The following ST6GALNAC3 variants were observed in gnomAD, a reference collection of about 807,000 sequenced individuals.
ST6GALNAC3 encodes the protein alpha-N-acetylgalactosaminide alpha-2,6-sialyltransferase 3.
Under a neutral mutation model 32.7 loss-of-function variants are expected in ST6GALNAC3, and 25 were observed. The ratio of observed to expected loss-of-function variants is 0.76; its 90% confidence interval spans 0.56 to 1.07. The LOEUF (loss-of-function observed/expected upper bound fraction) is 1.07, where lower values mean the gene tolerates loss of function less well. Among genes scored for constraint, ST6GALNAC3 ranks in the 50% least tolerant of loss-of-function variants. The pLI, the probability that ST6GALNAC3 is intolerant of heterozygous loss-of-function variation, is 0.00. For synonymous variants in ST6GALNAC3, 129 were observed against 133.1 expected, an observed-to-expected ratio of 0.97 and a Z score of 0.21; for missense variants, 355 against 382.4, an observed-to-expected ratio of 0.93 and a Z score of 0.60.
intron 3 of ST6GALNAC3, among the ~76,000 whole-genome samples, chr1:76,626,548 C>A (rs1171516126): frequency 6.6e-6 from 1 of 151,952 alleles, no homozygotes; most frequent in Non-Finnish European, 1.5e-5. Context: ...TCAGTTCCTG[C>A]ATTTCCCAGC....
intron 1 of ST6GALNAC3, among the ~76,000 whole-genome samples, chr1:76,216,886 T>G (rs1655495870): frequency 6.6e-6 from 1 of 152,212 alleles, no homozygotes; most frequent in Non-Finnish European, 1.5e-5. Flanking sequence ...CACATAAAGT[T>G]GTTCCTGCTA....
chr1:76,380,562 A>G lies in ST6GALNAC3; in HGVS notation c.214-31446A>G, dbSNP rs552911275. 2.0e-5 allele frequency among the ~76,000 whole-genome samples: 3 copies of G among 152,364 alleles called. No homozygotes were observed. The South Asian group carries it at 6.2e-4, about 32-fold the overall frequency. ...ATAGCCATATTTGAAAATAATAAAA[A>G]TGTCCACCAACAGTAGAATAGATAA... On this transcript the variant is annotated intron_variant, in intron 2 of 4. Coordinates refer to ENST00000328299, the MANE Select transcript of ST6GALNAC3 (RefSeq NM_152996.4).
At chr1:76,436,263 G>A (rs1256307853) in intron 3 of ST6GALNAC3, among the ~76,000 whole-genome samples, 1 of 152,112 alleles carries the variant, frequency 6.6e-6, no homozygotes, top group Non-Finnish European at 1.5e-5. Context: ...TTCGAAGATA[G>A]ATTAAAGGAC....
At chr1:76,318,043 C>T (rs545063750) in intron 2 of ST6GALNAC3, among the ~76,000 whole-genome samples, 1 of 152,172 alleles carries the variant, frequency 6.6e-6, no homozygotes, top group South Asian at 2.1e-4. Flanking sequence ...TTAAGCTCTG[C>T]TTCATTTTAT....
chr1:76,128,254 A>G (rs1182036183), intron 1 of ST6GALNAC3, among the ~76,000 whole-genome samples: 1 of 152,212 alleles, frequency 6.6e-6, no homozygotes, highest in East Asian at 1.9e-4. Flanking sequence ...AGCACGTGCC[A>G]GTCTCCCATG....
chr1:76,585,040 G>A (rs1570366786), intron 3 of ST6GALNAC3, among the ~76,000 whole-genome samples: 1 of 151,316 alleles, frequency 6.6e-6, no homozygotes, highest in African/African-American at 2.5e-5. Flanking sequence ...AAGTCCTTGA[G>A]GACTTGGGAT....
At chr1:76,216,249 C>T (rs1363752615) in intron 1 of ST6GALNAC3, among the ~76,000 whole-genome samples, 1 of 152,136 alleles carries the variant, frequency 6.6e-6, no homozygotes, top group African/African-American at 2.4e-5. Context: ...GTTTCTCTAT[C>T]CCCATCTCTC....
At chr1:76,346,690 A>G (rs982210929) in intron 2 of ST6GALNAC3, among the ~76,000 whole-genome samples, 6 of 152,226 alleles carry the variant, frequency 3.9e-5, no homozygotes, top group African/African-American at 1.4e-4. Context: ...CTACGGTGCC[A>G]CTACTTAGTT....
chr1:76,398,414 A>C (rs561398909), intron 2 of ST6GALNAC3, among the ~76,000 whole-genome samples: 101 of 152,124 alleles, frequency 6.6e-4, no homozygotes, highest in Non-Finnish European at 1.3e-3. Context: ...GGGTACTGTT[A>C]ATTGTGATGT....
chr1:76,235,514 A>G (rs1458477085), intron 1 of ST6GALNAC3, among the ~76,000 whole-genome samples: 1 of 152,048 alleles, frequency 6.6e-6, no homozygotes, highest in Non-Finnish European at 1.5e-5. Context: ...CTCAAAATAA[A>G]TAAGTAAAAT....
chr1:76,074,957 G>A, intron 1 of ST6GALNAC3, 73 bp downstream of exon 1: 1 of 1,539,614 alleles, frequency 6.5e-7, no homozygotes, highest in Non-Finnish European at 8.8e-7. Flanking sequence ...GGAGTCAGCC[G>A]CGGTCCCACC....
chr1:76,135,019 G>A (rs1035658242), intron 1 of ST6GALNAC3, among the ~76,000 whole-genome samples: 1 of 152,058 alleles, frequency 6.6e-6, no homozygotes, highest in Non-Finnish European at 1.5e-5. Flanking sequence ...GCATGCACCT[G>A]TAATCCCAGC....
intron 1 of ST6GALNAC3, among the ~76,000 whole-genome samples, chr1:76,172,560 G>T (rs2100425785): frequency 6.7e-6 from 1 of 149,792 alleles, no homozygotes; most frequent in Middle Eastern, 3.4e-3. Context: ...TCTATTTACA[G>T]ATGACAAGAT....
chr1:76,478,984 C>T (rs1344124395), intron 3 of ST6GALNAC3, among the ~76,000 whole-genome samples: 11 of 151,810 alleles, frequency 7.2e-5, no homozygotes, highest in African/African-American at 1.5e-4. Context: ...AGGATGGTCT[C>T]GATCTCCTGA....
intron 3 of ST6GALNAC3, among the ~76,000 whole-genome samples, chr1:76,452,432 A>G (rs1403321879): frequency 6.6e-6 from 1 of 152,194 alleles, no homozygotes; most frequent in Non-Finnish European, 1.5e-5. Context: ...GATGGCTTTT[A>G]TTGCATTAAG....
chr1:76,590,330 A>G (rs1300029776), intron 3 of ST6GALNAC3, among the ~76,000 whole-genome samples: 3 of 152,240 alleles, frequency 2.0e-5, no homozygotes, highest in Admixed American at 2.0e-4. Flanking sequence ...GCTCTCAAAT[A>G]ATGCAACAAT....
chr1:76,602,830 A>G (rs1557616949), intron 3 of ST6GALNAC3, among the ~76,000 whole-genome samples: 1 of 152,120 alleles, frequency 6.6e-6, no homozygotes, highest in Non-Finnish European at 1.5e-5. Context: ...AGGAGGAAAT[A>G]ATTATAACAC....
chr1:76,624,690 A>G (rs575860975), intron 3 of ST6GALNAC3, among the ~76,000 whole-genome samples: 52 of 151,938 alleles, frequency 3.4e-4, no homozygotes, highest in African/African-American at 1.2e-3. Flanking sequence ...ACTATGGTTC[A>G]GTTATGGCCT....
At chr1:76,337,915 G>T (rs949899371) in intron 2 of ST6GALNAC3, among the ~76,000 whole-genome samples, 1 of 152,136 alleles carries the variant, frequency 6.6e-6, no homozygotes, top group African/African-American at 2.4e-5. Flanking sequence ...GGCTGCGTGA[G>T]GTGGTACATA....
Sources: gnomAD v4.1 joint callset for allele counts (sites outside exome capture counted in the v4.1 genomes callset) on GRCh38, gnomAD v4.1.1 for gene constraint, MANE v1.5 for transcripts, NCBI Gene and HGNC (gene_info 2026-07-23, HGNC 2026-07-21) for gene names.